The following MYO1D variants were observed in gnomAD, a reference collection of about 807,000 sequenced individuals.
MYO1D encodes unconventional myosin-Id.
Under a neutral mutation model 122.0 loss-of-function variants are expected in MYO1D, and 83 were observed. The ratio of observed to expected loss-of-function variants is 0.68; its 90% CI spans 0.57 to 0.82. The LOEUF is 0.82. Among genes scored for constraint, MYO1D ranks in the 40% least tolerant of loss-of-function variants. The pLI is 0.00. For synonymous variants in MYO1D, 464 were observed against 446.9 expected (o/e 1.04, Z -0.48); for missense variants, 1,157 against 1,269.5 (o/e 0.91, Z 1.35).
At chr17:32,668,036 C>A (rs1419774984) in intron 16 of MYO1D, among the ~76,000 whole-genome samples, 1 of 152,134 alleles carries the variant, frequency 6.6e-6, no homozygotes, top group African/African-American at 2.4e-5. Flanking sequence ...GGTTAAGTAA[C>A]TCTGACAGAT....
At chr17:32,557,285 A>AT (rs111446820) in intron 21 of MYO1D, among the ~76,000 whole-genome samples, 1 of 151,630 alleles carries the variant, frequency 6.6e-6, no homozygotes, top group African/African-American at 2.4e-5. Context: ...CGCCCGGCTA[A>AT]TTTTTTTTAT....
chr17:32,618,703 C>T (rs1380946993), intron 20 of MYO1D, among the ~76,000 whole-genome samples: 3 of 150,794 alleles, frequency 2.0e-5, no homozygotes, highest in Non-Finnish European at 2.9e-5. Context: ...GGCATGATCT[C>T]AGCTCACTGC....
intron 21 of MYO1D, among the ~76,000 whole-genome samples, chr17:32,505,820 G>C (rs942107443): frequency 7.9e-5 from 12 of 152,210 alleles, no homozygotes; most frequent in Admixed American, 2.0e-4. Flanking sequence ...ATCTAATGCA[G>C]GGAGATAATG....
At chr17:32,571,322 C>A (rs116785948) in intron 21 of MYO1D, among the ~76,000 whole-genome samples, 3,992 of 152,156 alleles carry the variant, frequency 0.026, 70 homozygotes, top group Middle Eastern at 0.048. Flanking sequence ...GGTTTTTAAC[C>A]CTGGCAACCC....
intron 19 of MYO1D, among the ~76,000 whole-genome samples, chr17:32,647,354 G>A (rs183184508): frequency 6.6e-6 from 1 of 152,340 alleles, no homozygotes; most frequent in African/African-American, 2.4e-5. Context: ...TCGTATTTAA[G>A]CTATAGGGTG....
At chr17:32,860,482 C>T (rs9896831) in intron 1 of MYO1D, among the ~76,000 whole-genome samples, 3,972 of 152,286 alleles carry the variant, frequency 0.026, 177 homozygotes, top group African/African-American at 0.089. Context: ...CTACTAAGAC[C>T]TCCATCTTTC....
At chr17:32,766,362 C>A (rs9904434) in intron 7 of MYO1D, among the ~76,000 whole-genome samples, 103,873 of 152,088 alleles carry the variant, frequency 0.68, 35,711 homozygotes, top group Middle Eastern at 0.77. Context: ...ATAAAGTACT[C>A]TAGCTTTTAC....
chr17:32,801,595 T>C (rs541821371), intron 1 of MYO1D, among the ~76,000 whole-genome samples: 1 of 152,236 alleles, frequency 6.6e-6, no homozygotes, highest in South Asian at 2.1e-4. Flanking sequence ...ATTACAAATA[T>C]GAAAGAGGGA....
intron 14 of MYO1D, among the ~76,000 whole-genome samples, chr17:32,730,221 A>C (rs1053533271): frequency 6.6e-6 from 1 of 150,856 alleles, no homozygotes; most frequent in African/African-American, 2.4e-5. Flanking sequence ...ATGTATTTTT[A>C]ACTCATCAGA....
chr17:32,786,629 G>A (rs991824943), intron 1 of MYO1D, among the ~76,000 whole-genome samples: 1 of 152,230 alleles, frequency 6.6e-6, no homozygotes, highest in Non-Finnish European at 1.5e-5. Flanking sequence ...AGACCAGCCT[G>A]GCCAACATGG....
At chr17:32,844,691 C>A (rs1317016307) in intron 1 of MYO1D, among the ~76,000 whole-genome samples, 22 of 151,880 alleles carry the variant, frequency 1.4e-4, no homozygotes, top group Admixed American at 1.4e-3. Context: ...CGCCACTGCA[C>A]TCCAGCCTGG....
intron 20 of MYO1D, among the ~76,000 whole-genome samples, chr17:32,620,845 T>C (rs2087846364): frequency 6.6e-6 from 1 of 152,178 alleles, no homozygotes; most frequent in Non-Finnish European, 1.5e-5. Flanking sequence ...CACACACTCC[T>C]TTTAAGAATT....
rs138029302 is a variant in MYO1D at position 32,762,114 on chromosome 17, A to G, written c.1036-1487T>C. ...AGGTTAGGGAAGGCCTCTCTGGGAA[A>G]GTGATACTTGAGACCAGAAGGATGA... is the stretch of plus-strand genomic sequence containing the variant. On this transcript the variant is annotated intron_variant, in intron 8 of 21. Transcript: ENST00000318217. 3.6e-3 allele frequency among the ~76,000 whole-genome samples: 552 copies of G among 152,132 alleles called. 3 individuals are homozygous for G. Among genetic ancestry groups the G allele is most frequent in the African/African-American group, 0.012 (516 of 41,488 alleles).
Position 32,743,425 on chromosome 17 carries a change from G to A in MYO1D, c.1613+1786C>T, listed in dbSNP as rs571758077. Among the ~76,000 whole-genome samples the A allele has an allele frequency of 9.2e-5, 14 of 152,064 alleles. No individual in the cohort carries two copies. In the East Asian group the frequency reaches 2.3e-3, roughly 25 times the overall value. On this transcript the variant is annotated intron_variant, in intron 13 of 21. Transcript: ENST00000318217. Reference sequence around the variant, plus strand: ...TCTTAATTTCCCTGAACCAATTAGCGTTTCCTCTTGTCTTCTCCTATCAGG... The same window carrying A: ...TCTTAATTTCCCTGAACCAATTAGCATTTCCTCTTGTCTTCTCCTATCAGG...
chr17:32,728,495 C>T (rs548886459), intron 14 of MYO1D, among the ~76,000 whole-genome samples: 4 of 152,178 alleles, frequency 2.6e-5, no homozygotes, highest in South Asian at 2.1e-4. Context: ...CATGAGCCAC[C>T]GCGCCCGGCT....
At chr17:32,730,904 C>CTTTT (rs754771399) in intron 14 of MYO1D, among the ~76,000 whole-genome samples, 23 of 108,784 alleles carry the variant, frequency 2.1e-4, no homozygotes, top group African/African-American at 5.6e-4. Flanking sequence ...TTCCACGTGT[C>CTTTT]TTTTTTTTTT....
intron 13 of MYO1D, among the ~76,000 whole-genome samples, chr17:32,744,632 G>A (rs2089811454): frequency 6.6e-6 from 1 of 152,166 alleles, no homozygotes; most frequent in Non-Finnish European, 1.5e-5. Context: ...AAGATGACCA[G>A]GAATCCTCTT....
chr17:32,874,257 C>G (rs1272676983), intron 1 of MYO1D, among the ~76,000 whole-genome samples: 1 of 149,946 alleles, frequency 6.7e-6, no homozygotes, highest in Non-Finnish European at 1.5e-5. Flanking sequence ...TTCTTTTTTT[C>G]TTTTCTCTCC....
intron 21 of MYO1D, among the ~76,000 whole-genome samples, chr17:32,506,089 GACA>G (rs1909493135): frequency 2.0e-5 from 3 of 152,348 alleles, no homozygotes; most frequent in African/African-American, 4.8e-5. Context: ...GACTTTTTCA[GACA>G]ACAAGTGCTC....
Sources: gnomAD v4.1 joint callset for allele counts (sites outside exome capture counted in the v4.1 genomes callset) on GRCh38, gnomAD v4.1.1 for gene constraint, MANE v1.5 for transcripts, NCBI Gene and HGNC (gene_info 2026-07-23, HGNC 2026-07-21) for gene names.